BMPR1A: variants seen among roughly 807,000 people sequenced by gnomAD.
The protein encoded by BMPR1A is bone morphogenetic protein receptor type 1A.
BMPR1A carries 7 observed loss-of-function variants against 66.0 expected under a neutral mutation model. That is an observed-to-expected ratio of 0.11 (90% CI 0.06 to 0.20). BMPR1A has a LOEUF of 0.20. Among genes scored for constraint, BMPR1A ranks in the 10% least tolerant of loss-of-function variants. The pLI is 1.00. For missense variants in BMPR1A, 408 were observed against 669.1 expected, an observed-to-expected ratio of 0.61 and a Z score of 4.31; for synonymous variants, 200 against 229.7, an observed-to-expected ratio of 0.87 and a Z score of 1.17.
intron 1 of BMPR1A, among the ~76,000 whole-genome samples, chr10:86,804,792 G>GTTTTTTTTTTTTTTTTTTTTTTTTTTTT (rs5786747): frequency 9.1e-4 from 52 of 57,270 alleles, no homozygotes; most frequent in Middle Eastern, 9.4e-3. Context: ...GTTTGTAGGT[G>GTTTTTTTTTTTTTTTTTTTTTTTTTTTT]TTTTTTTTTT....
At position 86,927,639 on chromosome 10, in the gene BMPR1A, A is replaced by G. The variant is rs2291646; in HGVS notation, c.*3920A>G. On this transcript the variant is annotated 3_prime_UTR_variant, in exon 13 of 13. Transcript: ENST00000372037. ...GCTTATGCTCTGTATTCTGTTTTCT[A>G]TGGAATTATTTAAGCCCTTTTAGTG... is the stretch of plus-strand genomic sequence containing the variant. 825 of 197,944 alleles carry G rather than the reference A, an allele frequency of 4.2e-3. 25 individuals carry two copies. The East Asian group carries it at 0.06, about 14-fold the overall frequency. The allele number at this position is 197,944 out of a possible 1,614,324, so 12.3% of individuals were successfully genotyped here. A position where few individuals can be genotyped will look rare whatever the true frequency, so the allele number is the denominator to read the frequency against.
At position 86,925,068 on chromosome 10, in the gene BMPR1A, G is replaced by T. The variant is rs886047364; in HGVS notation, c.*1349G>T. Reference sequence around the variant, plus strand: ...AATCATTTGAGATTTTTGGTTTTTTGATTTCTATTCCCTAACTTGTGAAGA... The same window carrying T: ...AATCATTTGAGATTTTTGGTTTTTTTATTTCTATTCCCTAACTTGTGAAGA... On this transcript the variant is annotated 3_prime_UTR_variant, in exon 13 of 13. Transcript: ENST00000372037. 21 of 231,870 alleles carry T rather than the reference G, an allele frequency of 9.1e-5. No homozygotes were observed. Among genetic ancestry groups the T allele is most frequent in the Non-Finnish European group, 2.6e-5 (3 of 117,392 alleles). 14.4% of individuals were successfully genotyped at this position (231,870 alleles called of 1,614,324 possible).
chr10:86,893,948 T>C (rs1253755240), intron 5 of BMPR1A, among the ~76,000 whole-genome samples: 1 of 152,224 alleles, frequency 6.6e-6, no homozygotes, highest in East Asian at 1.9e-4. Flanking sequence ...AATCTCTCTT[T>C]AAGATGACAG....
intron 5 of BMPR1A, among the ~76,000 whole-genome samples, chr10:86,899,114 C>A (rs1843269882): frequency 6.6e-6 from 1 of 152,182 alleles, no homozygotes; most frequent in Non-Finnish European, 1.5e-5. Flanking sequence ...ACATGTTGGT[C>A]AGAATGGCAG....
chr10:86,908,256 C>G (rs1019899934), intron 7 of BMPR1A, among the ~76,000 whole-genome samples: 1 of 152,128 alleles, frequency 6.6e-6, no homozygotes, highest in Non-Finnish European at 1.5e-5. Context: ...TGATGGCTAT[C>G]CCAGTTACTC....
At chr10:86,866,224 T>C (rs1300966085) in intron 2 of BMPR1A, among the ~76,000 whole-genome samples, 6 of 149,092 alleles carry the variant, frequency 4.0e-5, no homozygotes, top group African/African-American at 1.5e-4. Context: ...GAGGGAGCTT[T>C]TTTTTTTTTT....
intron 1 of BMPR1A, among the ~76,000 whole-genome samples, chr10:86,812,617 C>A (rs1174995698): frequency 6.6e-6 from 1 of 152,186 alleles, no homozygotes; most frequent in Non-Finnish European, 1.5e-5. Flanking sequence ...CATGCTTGTT[C>A]TCTCCTTTTA....
At chr10:86,867,625 CAAAA>C (rs923654518) in intron 2 of BMPR1A, among the ~76,000 whole-genome samples, 1 of 152,042 alleles carries the variant, frequency 6.6e-6, no homozygotes, top group Non-Finnish European at 1.5e-5. Context: ...TACAGTTAAA[CAAAA>C]AAGCTTTGGA....
chr10:86,792,947 G>A (rs1841649396), intron 1 of BMPR1A, among the ~76,000 whole-genome samples: 1 of 152,136 alleles, frequency 6.6e-6, no homozygotes, highest in African/African-American at 2.4e-5. Flanking sequence ...TTATTATTAT[G>A]TCTAGTGCAG....
At chr10:86,757,396 C>T (rs1033653597) in intron 1 of BMPR1A, among the ~76,000 whole-genome samples, 5 of 152,190 alleles carry the variant, frequency 3.3e-5, no homozygotes, top group African/African-American at 1.2e-4. Flanking sequence ...CCCTGGCCCC[C>T]GAGCTCCCGG....
intron 1 of BMPR1A, among the ~76,000 whole-genome samples, chr10:86,767,535 A>T (rs1448583688): frequency 6.6e-6 from 1 of 151,970 alleles, no homozygotes; most frequent in Non-Finnish European, 1.5e-5. Context: ...AAAATCAATG[A>T]GATGTGGTGG....
At chr10:86,857,589 G>T (rs976998990) in intron 2 of BMPR1A, among the ~76,000 whole-genome samples, 2 of 151,890 alleles carry the variant, frequency 1.3e-5, no homozygotes, top group Non-Finnish European at 2.9e-5. Flanking sequence ...AAGTCAGCAG[G>T]GGCTACAGTC....
At chr10:86,806,063 A>G (rs12259373) in intron 1 of BMPR1A, among the ~76,000 whole-genome samples, 3,457 of 152,152 alleles carry the variant, frequency 0.023, 138 homozygotes, top group African/African-American at 0.08. Context: ...ACACCAGGCC[A>G]GTTATTTTCT....
rs11814455 is a variant in BMPR1A, at chr10:86,855,913, A to T, written c.-153+16934A>T. On this transcript the variant is annotated intron_variant, in intron 2 of 12. Transcript: ENST00000372037. ...CATATTGCTTTTCAAACTGGCTAGG[A>T]TTGTTGATATCTGATGTTTTAATGG... 2,432 of 658,078 alleles carry T rather than the reference A, an allele frequency of 3.7e-3. 39 individuals are homozygous for T. The African/African-American group carries it at 0.039, about 11-fold the overall frequency. The allele number at this position is 658,078 out of a possible 1,614,324, so 40.8% of individuals were successfully genotyped here.
At chr10:86,930,328 G>GGA (rs1372194837), downstream of BMPR1A, 1 of 152,068 alleles carries the variant, frequency 6.6e-6, no homozygotes, top group Middle Eastern at 3.2e-3. Flanking sequence ...CACCCAGGCT[G>GGA]GAGCGCAATG....
chr10:86,873,542 G>A (rs1258581332), intron 2 of BMPR1A, among the ~76,000 whole-genome samples: 4 of 152,160 alleles, frequency 2.6e-5, no homozygotes, highest in Admixed American at 1.3e-4. Flanking sequence ...CCAAAGCCAG[G>A]GTTTCTGGCA....
downstream of BMPR1A, chr10:86,931,298 C>CATATATATATATATATAT (rs1175375580): frequency 1.9e-3 from 177 of 90,856 alleles, 10 homozygotes; most frequent in African/African-American, 0.011. Flanking sequence ...CACACACACA[C>CATATATATATATATATAT]ATATATATAT....
chr10:86,826,635 C>G (rs1252775782), intron 1 of BMPR1A, among the ~76,000 whole-genome samples: 1 of 151,992 alleles, frequency 6.6e-6, no homozygotes, highest in African/African-American at 2.4e-5. Context: ...AATGAATATA[C>G]TATATAGATG....
intron 7 of BMPR1A, among the ~76,000 whole-genome samples, chr10:86,908,494 C>CA (rs1186859448): frequency 6.6e-6 from 1 of 152,154 alleles, no homozygotes; most frequent in Non-Finnish European, 1.5e-5. Flanking sequence ...CCTGTGCCTT[C>CA]AATGCCTCAC....
Sources: gnomAD v4.1 joint callset for allele counts (sites outside exome capture counted in the v4.1 genomes callset) on GRCh38, gnomAD v4.1.1 for gene constraint, MANE v1.5 for transcripts, NCBI Gene and HGNC (gene_info 2026-07-23, HGNC 2026-07-21) for gene names.